MUSK: variants seen among roughly 807,000 people sequenced by gnomAD.
The protein encoded by MUSK is muscle associated receptor tyrosine kinase, also known as muscle, skeletal receptor tyrosine-protein kinase.
A neutral mutation model predicts 88.7 loss-of-function variants in MUSK; 55 were observed. The observed-to-expected ratio is 0.62, with a 90% CI of 0.50 to 0.78. The LOEUF is 0.78. Among genes scored for constraint, MUSK ranks in the 30% least tolerant of loss-of-function variants. The pLI, the probability that MUSK is intolerant of heterozygous loss-of-function variation, is 0.00. For missense variants in MUSK, 1,015 were observed against 1,074.3 expected (o/e 0.94, Z 0.77); for synonymous variants, 387 against 391.9 (o/e 0.99, Z 0.15).
intron 14 of MUSK, among the ~76,000 whole-genome samples, chr9:110,798,431 T>G (rs2078044424): frequency 6.6e-6 from 1 of 152,190 alleles, no homozygotes; most frequent in Non-Finnish European, 1.5e-5. Flanking sequence ...TATTATAGAC[T>G]CTTACGGAAT....
chr9:110,675,981 A>G (rs970229115), intron 1 of MUSK, among the ~76,000 whole-genome samples: 1 of 152,070 alleles, frequency 6.6e-6, no homozygotes, highest in Admixed American at 6.6e-5. Context: ...CTCAATATCT[A>G]GATGATTATA....
intron 11 of MUSK, among the ~76,000 whole-genome samples, chr9:110,780,631 A>C (rs946071332): frequency 6.6e-6 from 1 of 151,920 alleles, no homozygotes; most frequent in African/African-American, 2.4e-5. Flanking sequence ...TGGGTATGGA[A>C]CTCCTGAGTG....
chr9:110,675,035 G>A (rs1463972204), intron 1 of MUSK, among the ~76,000 whole-genome samples: 5 of 152,128 alleles, frequency 3.3e-5, no homozygotes, highest in Non-Finnish European at 5.9e-5. Flanking sequence ...AGTGCTCCAT[G>A]TGGACCAAGG....
intron 5 of MUSK, among the ~76,000 whole-genome samples, chr9:110,717,903 A>G (rs2076764948): frequency 6.6e-6 from 1 of 152,152 alleles, no homozygotes; most frequent in African/African-American, 2.4e-5. Context: ...TGTATTAGTT[A>G]TCTGTTTCTC....
chr9:110,776,024 T>A, intron 10 of MUSK, 61 bp downstream of exon 10: 1 of 1,509,160 alleles, frequency 6.6e-7, no homozygotes, highest in South Asian at 1.3e-5. Context: ...TTGAAGAAAC[T>A]AAGGTGTGAA....
intron 4 of MUSK, 28 bp downstream of exon 4, chr9:110,695,558 A>G: frequency 6.7e-7 from 1 of 1,488,390 alleles, no homozygotes; most frequent in East Asian, 2.5e-5. Flanking sequence ...TAAAACACAT[A>G]TATAAAATGT....
intron 8 of MUSK, among the ~76,000 whole-genome samples, chr9:110,764,635 A>ATAGATAGATAGATAGG (rs1205101959): frequency 6.6e-6 from 1 of 150,736 alleles, no homozygotes; most frequent in African/African-American, 2.5e-5. Flanking sequence ...AGATAGATAG[A>ATAGATAGATAGATAGG]TAGGTAGGTA....
chr9:110,742,698 C>T (rs2077118822), intron 6 of MUSK, among the ~76,000 whole-genome samples: 1 of 152,190 alleles, frequency 6.6e-6, no homozygotes, highest in South Asian at 2.1e-4. Context: ...ATTCATTCAA[C>T]ATGTGACTCA....
At chr9:110,669,192 T>C (rs1418058652) in intron 1 of MUSK, among the ~76,000 whole-genome samples, 1 of 152,160 alleles carries the variant, frequency 6.6e-6, no homozygotes, top group Non-Finnish European at 1.5e-5. Flanking sequence ...AGTTCTGCAA[T>C]AAAAGGCTTA....
rs112430574 is a variant in MUSK, at chr9:110,740,674, G to A, written c.753+6299G>A. ...ATACTGTAGGCTTTAGAAGCATTTC[G>A]CGGCATGAAAGAATGGTAACCCTGA... On this transcript the variant is annotated intron_variant, in intron 6 of 14. Transcript: ENST00000374448. Among the ~76,000 whole-genome samples the A allele has an allele frequency of 8.4e-3, 1,278 of 152,160 alleles. 22 individuals are homozygous for A. Among genetic ancestry groups the A allele is most frequent in the African/African-American group, 0.029 (1,194 of 41,510 alleles).
At chr9:110,695,369 G>C (rs763442603) in intron 3 of MUSK, 34 bp from the exon 4 acceptor site, 33 of 1,394,516 alleles carry the variant, frequency 2.4e-5, no homozygotes, top group Non-Finnish European at 3.0e-5. Context: ...AAGCCATATT[G>C]CCTTATTTAT....
chr9:110,675,562 C>CT (rs10607243), intron 1 of MUSK, among the ~76,000 whole-genome samples: 2,544 of 61,634 alleles, frequency 0.041, 7 homozygotes, highest in East Asian at 0.079. Context: ...ATAGTCTTCC[C>CT]TTTTTTTTTT....
Position 110,701,680 on chromosome 9 carries a change from T to TTTTACTTTACTTTACTTTACTTTAC in MUSK, c.628+4228_628+4229insCTTTACTTTACTTTACTTTACTTTA, listed in dbSNP as rs755152064. ...TATTTTATTTATTTTATTTTATTTT[T>TTTTACTTTACTTTACTTTACTTTAC]TTTACTTTACTTTATTTTATTTTAT... On this transcript the variant is annotated intron_variant, in intron 5 of 14. Transcript: ENST00000374448. 2.2e-4 allele frequency among the ~76,000 whole-genome samples: 2 copies of TTTTACTTTACTTTACTTTACTTTAC among 8,948 alleles called. 1 individual carries two copies. Among genetic ancestry groups the TTTTACTTTACTTTACTTTACTTTAC allele is most frequent in the Admixed American group, 1.2e-3 (2 of 1,694 alleles). 5.9% of individuals were successfully genotyped at this position (8,948 alleles called of 152,430 possible). A position where few individuals can be genotyped will look rare whatever the true frequency, so the allele number is the denominator to read the frequency against.
At chr9:110,693,658 T>C (rs1587914446) in intron 3 of MUSK, among the ~76,000 whole-genome samples, 1 of 152,190 alleles carries the variant, frequency 6.6e-6, no homozygotes, top group East Asian at 1.9e-4. Context: ...TTACATTCAA[T>C]TTCCCAAAAG....
chr9:110,759,949 T>A (rs751991258), intron 7 of MUSK, among the ~76,000 whole-genome samples: 1 of 151,940 alleles, frequency 6.6e-6, no homozygotes, highest in Non-Finnish European at 1.5e-5. Context: ...GGCAGGAAAA[T>A]AACTTGAACC....
chr9:110,672,400 C>T (rs938134177), intron 1 of MUSK, among the ~76,000 whole-genome samples: 2 of 152,086 alleles, frequency 1.3e-5, no homozygotes, highest in African/African-American at 4.8e-5. Context: ...CTTTATAGTG[C>T]CCCTGACCTG....
intron 6 of MUSK, among the ~76,000 whole-genome samples, chr9:110,736,333 A>C (rs1469605965): frequency 6.6e-6 from 1 of 152,140 alleles, no homozygotes; most frequent in Non-Finnish European, 1.5e-5. Flanking sequence ...CTCAGGAGGA[A>C]GATTATATTT....
intron 14 of MUSK, among the ~76,000 whole-genome samples, chr9:110,797,963 A>G (rs2132058227): frequency 6.6e-6 from 1 of 152,350 alleles, no homozygotes; most frequent in Non-Finnish European, 1.5e-5. Context: ...CCACAGTAGC[A>G]TGCTTATACA....
chr9:110,742,158 A>T (rs148091676), intron 6 of MUSK, among the ~76,000 whole-genome samples: 8 of 152,188 alleles, frequency 5.3e-5, no homozygotes, highest in African/African-American at 1.9e-4. Context: ...AGACATCCTA[A>T]GAAAATTTGG....
Sources: allele counts gnomAD v4.1 joint callset (sites outside exome capture counted in the v4.1 genomes callset), GRCh38; gene constraint gnomAD v4.1.1; transcripts MANE v1.5; gene names NCBI Gene and HGNC (gene_info 2026-07-23, HGNC 2026-07-21).